NELL1: variants seen among roughly 807,000 people sequenced by gnomAD.
NELL1 encodes the protein protein kinase C-binding protein NELL1.
In NELL1, 76 loss-of-function variants were observed where a neutral mutation model predicts 107.4. That is an observed-to-expected ratio of 0.71 (90% CI 0.59 to 0.86). The LOEUF is 0.86. NELL1 is among the 40% of genes least tolerant of loss of function. The pLI is 0.00. For synonymous variants in NELL1, 353 were observed against 341.2 expected (o/e 1.03, Z -0.38); for missense variants, 1,024 against 1,005.5 (o/e 1.02, Z -0.25).
At chr11:21,509,220 C>T (rs75454417) in intron 15 of NELL1, among the ~76,000 whole-genome samples, 1 of 152,066 alleles carries the variant, frequency 6.6e-6, no homozygotes, top group Non-Finnish European at 1.5e-5. Flanking sequence ...CTGACAATAG[C>T]GACTATTGAC....
chr11:20,928,673 A>AT (rs373603317), intron 9 of NELL1, among the ~76,000 whole-genome samples, 194 bp downstream of exon 9: 1,777 of 148,162 alleles, frequency 0.012, 16 homozygotes, highest in Middle Eastern at 0.028. Context: ...AACATGGGCT[A>AT]TTTTTTTTTT....
chr11:21,437,569 C>T (rs1853155867), intron 15 of NELL1, among the ~76,000 whole-genome samples: 1 of 152,168 alleles, frequency 6.6e-6, no homozygotes, highest in Admixed American at 6.5e-5. Flanking sequence ...ATGTTGGTCA[C>T]TCTGGTCTCG....
chr11:21,082,227 A>G (rs1854286119), intron 12 of NELL1, among the ~76,000 whole-genome samples: 1 of 152,196 alleles, frequency 6.6e-6, no homozygotes, highest in African/African-American at 2.4e-5. Flanking sequence ...AGAGGGCTCC[A>G]TTCAGGTGAA....
chr11:21,090,376 G>T (rs1031000298), intron 12 of NELL1, among the ~76,000 whole-genome samples: 1 of 152,056 alleles, frequency 6.6e-6, no homozygotes, highest in Non-Finnish European at 1.5e-5. Flanking sequence ...AGGCATTGGG[G>T]TTCTCCCTAT....
intron 12 of NELL1, among the ~76,000 whole-genome samples, chr11:21,010,040 G>T (rs796529914): frequency 6.6e-6 from 1 of 150,748 alleles, no homozygotes; most frequent in South Asian, 2.1e-4. Flanking sequence ...AGGAATGGTG[G>T]TGTGAAGGAT....
intron 1 of NELL1, among the ~76,000 whole-genome samples, chr11:20,675,740 T>A (rs1854038349): frequency 6.6e-6 from 1 of 152,120 alleles, no homozygotes; most frequent in Admixed American, 6.5e-5. Flanking sequence ...CTGGCCCTTC[T>A]CTCTCTCCCA....
intron 14 of NELL1, among the ~76,000 whole-genome samples, chr11:21,267,053 T>C (rs539485445): frequency 6.2e-4 from 94 of 152,046 alleles, no homozygotes; most frequent in Non-Finnish European, 1.3e-3. Flanking sequence ...TGAAATATTA[T>C]AGTCTATAAA....
At chr11:21,380,993 AC>A (rs1337917711) in intron 15 of NELL1, among the ~76,000 whole-genome samples, 3 of 151,986 alleles carry the variant, frequency 2.0e-5, no homozygotes, top group Non-Finnish European at 4.4e-5. Context: ...TGAGGGAGTT[AC>A]TTTTATCCTT....
chr11:21,569,652 A>C (rs1842610464), intron 17 of NELL1, among the ~76,000 whole-genome samples: 1 of 151,862 alleles, frequency 6.6e-6, no homozygotes, highest in Admixed American at 6.6e-5. Flanking sequence ...GAAACATGAC[A>C]AAGTGTTTGG....
intron 15 of NELL1, among the ~76,000 whole-genome samples, chr11:21,498,257 CATAA>C (rs1291583128): frequency 6.7e-6 from 1 of 150,076 alleles, no homozygotes. Flanking sequence ...GTGATAATTA[CATAA>C]ATAATTATAA....
intron 13 of NELL1, among the ~76,000 whole-genome samples, chr11:21,125,940 A>G (rs570256651): frequency 6.6e-6 from 1 of 152,366 alleles, no homozygotes; most frequent in African/African-American, 2.4e-5. Flanking sequence ...AAATGGGCAC[A>G]TCTTCCTTCT....
intron 13 of NELL1, among the ~76,000 whole-genome samples, chr11:21,186,368 A>G (rs1590715196): frequency 6.6e-6 from 1 of 152,014 alleles, no homozygotes; most frequent in East Asian, 1.9e-4. Context: ...TGTCAGTGAC[A>G]GTGAGTATAT....
intron 12 of NELL1, chr11:21,000,967 AC>A (rs2134272684): frequency 6.6e-6 from 1 of 151,920 alleles, no homozygotes; most frequent in South Asian, 2.1e-4. Flanking sequence ...ATCAGATGAT[AC>A]TCCCCCATTC....
At chr11:20,825,673 CT>C (rs1590329439) in intron 3 of NELL1, among the ~76,000 whole-genome samples, 1 of 151,318 alleles carries the variant, frequency 6.6e-6, no homozygotes, top group African/African-American at 2.4e-5. Flanking sequence ...AAGTAACTAA[CT>C]TGCTTTTCAT....
intron 15 of NELL1, among the ~76,000 whole-genome samples, chr11:21,511,727 G>T (rs1366269248): frequency 6.6e-6 from 1 of 152,112 alleles, no homozygotes; most frequent in Non-Finnish European, 1.5e-5. Context: ...TCATGCAAAG[G>T]CTCCAACACA....
chr11:20,752,010 T>C (rs925603468), intron 2 of NELL1, among the ~76,000 whole-genome samples: 10 of 152,234 alleles, frequency 6.6e-5, no homozygotes, highest in Admixed American at 1.3e-4. Flanking sequence ...TACAGTGTTG[T>C]CATCTGTAAA....
At chr11:20,910,218 C>T (rs371298449) in intron 5 of NELL1, among the ~76,000 whole-genome samples, 17 of 152,168 alleles carry the variant, frequency 1.1e-4, no homozygotes, top group African/African-American at 3.9e-4. Context: ...CCGTGGTGCT[C>T]GGCAATGTTT....
At chr11:20,918,687 G>A (rs1850312094) in intron 6 of NELL1, among the ~76,000 whole-genome samples, 1 of 151,976 alleles carries the variant, frequency 6.6e-6, no homozygotes, top group South Asian at 2.1e-4. Context: ...CATAAGAATA[G>A]TATGGGAGTA....
chr11:20,901,557 G>T (rs1849874228), intron 5 of NELL1, among the ~76,000 whole-genome samples: 1 of 60,332 alleles, frequency 1.7e-5, no homozygotes, highest in Admixed American at 2.5e-4. Context: ...CAGTTCCCAA[G>T]AGGATTTTTT....
Sources: gnomAD v4.1 joint callset for allele counts (sites outside exome capture counted in the v4.1 genomes callset) on GRCh38, gnomAD v4.1.1 for gene constraint, MANE v1.5 for transcripts, NCBI Gene and HGNC (gene_info 2026-07-23, HGNC 2026-07-21) for gene names.